The following ZBTB45 variants were observed in gnomAD, a reference collection of about 807,000 sequenced individuals.
The protein encoded by ZBTB45 is zinc finger and BTB domain containing 45.
ZBTB45 carries 22 observed loss-of-function variants against 28.4 expected under a neutral mutation model. That is an observed-to-expected ratio of 0.77 (90% confidence interval 0.55 to 1.10). The LOEUF (loss-of-function observed/expected upper bound fraction) is 1.10. ZBTB45 is among the 50% of genes least tolerant of loss of function. The probability of loss-of-function intolerance (pLI) is 0.00; values close to 1 mark genes in which losing one functional copy is unlikely to be tolerated. For synonymous variants in ZBTB45, 361 were observed against 332.3 expected (o/e 1.09, Z -0.94); for missense variants, 656 against 750.2 (o/e 0.87, Z 1.47).
intron 1 of ZBTB45, among the ~76,000 whole-genome samples, chr19:58,528,001 T>C (rs576576317): frequency 6.6e-6 from 1 of 152,294 alleles, no homozygotes; most frequent in East Asian, 1.9e-4. Context: ...ACTCGGAGGC[T>C]GAGACAGGAG....
At chr19:58,537,703 C>T (rs560041776) in intron 1 of ZBTB45, among the ~76,000 whole-genome samples, 7 of 152,158 alleles carry the variant, frequency 4.6e-5, no homozygotes, top group Non-Finnish European at 8.8e-5. Flanking sequence ...AATATTTTGA[C>T]CTTCTGGCCC....
At chr19:58,530,990 C>G (rs955305963) in intron 1 of ZBTB45, among the ~76,000 whole-genome samples, 1 of 152,142 alleles carries the variant, frequency 6.6e-6, no homozygotes, top group Non-Finnish European at 1.5e-5. Context: ...GCCTGAACAC[C>G]TGTTTTCAAT....
At chr19:58,524,919 C>T (rs188149413) in intron 1 of ZBTB45, among the ~76,000 whole-genome samples, 9 of 152,108 alleles carry the variant, frequency 5.9e-5, no homozygotes, top group African/African-American at 2.2e-4. Flanking sequence ...CAGGCTAAGC[C>T]CAAGGCCTGA....
At chr19:58,536,465 C>CAAA (rs768760907) in intron 1 of ZBTB45, among the ~76,000 whole-genome samples, 1 of 76,174 alleles carries the variant, frequency 1.3e-5, no homozygotes, top group African/African-American at 4.9e-5. Context: ...GACGCCGTCT[C>CAAA]AAAAAAAAAA....
At chr19:58,521,123 G>C (rs1315750884), upstream of ZBTB45, among the ~76,000 whole-genome samples, 1 of 148,026 alleles carries the variant, frequency 6.8e-6, no homozygotes, top group Non-Finnish European at 1.5e-5. Flanking sequence ...CCAGCACTGT[G>C]GGAGGCCGAG....
chr19:58,517,328 C>G lies in ZBTB45; in HGVS notation c.346G>C (p.Asp116His), dbSNP rs1477427210. ...CGGGCGATAATCTGCGTGCATTCGT[C>G]GATAACTGTCTGTATGCGAAGCACT... ...ASVLRIQTVI[D>H]ECTQIIARAR... Residue 116 changes from aspartate to histidine, a missense_variant, in exon 2 of 3, where the codon GAC becomes CAC. By Grantham distance (81) the Asp-to-His change is moderately conservative. Around this residue, in one of 3 missense-constraint regions of ZBTB45, gnomAD observed 448 missense variants for 444.3 expected, o/e 1.01. Coordinates refer to ENST00000594051, the MANE Select transcript of ZBTB45 (RefSeq NM_001316979.2). 1.2e-6 allele frequency: 2 copies of G among 1,610,300 alleles called. No homozygotes were observed. Among genetic ancestry groups the G allele is most frequent in the Admixed American group, 1.7e-5 (1 of 59,974 alleles).
At chr19:58,525,693 CTG>C (rs2053603520) in intron 1 of ZBTB45, among the ~76,000 whole-genome samples, 1 of 152,138 alleles carries the variant, frequency 6.6e-6, no homozygotes, top group South Asian at 2.1e-4. Flanking sequence ...GTATTGAGGG[CTG>C]TTAACAAAGG....
upstream of ZBTB45, among the ~76,000 whole-genome samples, chr19:58,522,805 G>C (rs547465417): frequency 6.6e-6 from 1 of 152,170 alleles, no homozygotes; most frequent in Non-Finnish European, 1.5e-5. Context: ...TCTGAGGAGG[G>C]AGGACGGCCC....
At chr19:58,536,255 G>A (rs2053659536) in intron 1 of ZBTB45, among the ~76,000 whole-genome samples, 1 of 152,066 alleles carries the variant, frequency 6.6e-6, no homozygotes, top group Non-Finnish European at 1.5e-5. Context: ...CATGAGGTCA[G>A]GAGATTGAGA....
At chr19:58,517,822 C>T in intron 1 of ZBTB45, 149 bp from the exon 2 acceptor site, 2 of 692,274 alleles carry the variant, frequency 2.9e-6, no homozygotes, top group Non-Finnish European at 2.4e-6. Context: ...AGCTGCCCTT[C>T]ACAGTCCCCA....
chr19:58,520,518 G>T (rs1000857965), upstream of ZBTB45, among the ~76,000 whole-genome samples: 2 of 152,030 alleles, frequency 1.3e-5, no homozygotes, highest in Non-Finnish European at 2.9e-5. Flanking sequence ...ATGGTGAAAG[G>T]GTTTTTGCGG....
At chr19:58,514,627 T>G (rs570720671) in intron 2 of ZBTB45, among the ~76,000 whole-genome samples, 1 of 152,064 alleles carries the variant, frequency 6.6e-6, no homozygotes, top group East Asian at 1.9e-4. Flanking sequence ...TCCTGGGATA[T>G]CACTGTGACA....
chr19:58,536,599 C>T (rs997785413), intron 1 of ZBTB45, among the ~76,000 whole-genome samples: 4 of 151,840 alleles, frequency 2.6e-5, no homozygotes, highest in East Asian at 1.9e-4. Flanking sequence ...GCCAAGATTG[C>T]GCCACTGCAC....
chr19:58,527,041 C>A (rs1037968397), intron 1 of ZBTB45, among the ~76,000 whole-genome samples: 3 of 152,200 alleles, frequency 2.0e-5, no homozygotes, highest in Admixed American at 2.0e-4. Flanking sequence ...AAAGCCCCAA[C>A]CCCCTATTGT....
rs1004889789 is a variant in ZBTB45 at position 58,514,224 on chromosome 19, C to G, written c.1366G>C (p.Val456Leu). 3.1e-6 allele frequency: 5 copies of G among 1,612,550 alleles called. No individual in the cohort carries two copies. The highest frequency in any genetic ancestry group is 4.2e-6 in the Non-Finnish European group (5 of 1,179,618). ...LLKHMVTHTGVRAFQCAVCAK... is the reference protein window; with the variant it reads ...LLKHMVTHTGLRAFQCAVCAK... ...CAGACGGCGCACTGGAAGGCGCGCA[C>G]GCCGGTGTGCGTGACCATGTGTTTG... The change falls in exon 3 of 3, where the codon GTG becomes CTG. Residue 456 changes from valine (V) to leucine (L), a missense_variant. Coordinates refer to ENST00000594051, the MANE Select transcript of ZBTB45 (RefSeq NM_001316979.2).
chr19:58,514,411 T>TCC, intron 2 of ZBTB45, 101 bp from the exon 3 acceptor site: 1 of 1,317,592 alleles, frequency 7.6e-7, no homozygotes, highest in Non-Finnish European at 9.9e-7. Flanking sequence ...TAGCAGGGGC[T>TCC]CCCCTCCCCT....
chr19:58,526,485 C>G (rs997296179), intron 1 of ZBTB45, among the ~76,000 whole-genome samples: 12 of 150,808 alleles, frequency 8.0e-5, no homozygotes, highest in African/African-American at 2.9e-4. Flanking sequence ...GCTGGGATTA[C>G]AGGCGTGAGC....
Position 58,513,783 on chromosome 19 carries a change from C to T in ZBTB45, c.*271G>A, listed in dbSNP as rs1390293929. 7.9e-6 allele frequency: 3 copies of T among 381,434 alleles called. No individual in the cohort carries two copies. Among genetic ancestry groups the T allele is most frequent in the Non-Finnish European group, 1.4e-5 (3 of 218,462 alleles). The allele number at this position is 381,434 out of a possible 1,614,324, so 23.6% of individuals were successfully genotyped here. A position where few individuals can be genotyped will look rare whatever the true frequency, so the allele number is the denominator to read the frequency against. On this transcript the variant is annotated 3_prime_UTR_variant, in exon 3 of 3. Coordinates refer to ENST00000594051, the MANE Select transcript of ZBTB45 (RefSeq NM_001316979.2). ...CTTGGGCCGGGTCCAAGCGCCTGAGCGCCCGGTTTACGCAGGAAATAGTCC... is the reference window on the plus strand; with the variant it reads ...CTTGGGCCGGGTCCAAGCGCCTGAGTGCCCGGTTTACGCAGGAAATAGTCC...
At position 58,517,492 on chromosome 19, in the gene ZBTB45, T is replaced by C. The variant is rs1333656580; in HGVS notation, c.182A>G (p.Lys61Arg). 3.1e-6 allele frequency: 5 copies of C among 1,613,108 alleles called. No homozygotes were observed. Among genetic ancestry groups the C allele is most frequent in the Non-Finnish European group, 4.2e-6 (5 of 1,179,966 alleles). ...LAAGSPFFQD[K>R]LLLGHSEIRV... The stretch of plus-strand genomic sequence containing the variant: ...GATCTCAGAGTGGCCGAGCAGCAGC[T>C]TGTCTTGGAAGAAGGGTGAGCCGGC... Residue 61 changes from lysine to arginine, a missense_variant, in exon 2 of 3, where the codon AAG becomes AGG. By Grantham distance (26) the Lys-to-Arg change is conservative (BLOSUM62 2). Around this residue, in one of 3 missense-constraint regions of ZBTB45, gnomAD observed 105 missense variants for 152.4 expected, o/e 0.69. Transcript: ENST00000594051.
Sources: gnomAD v4.1 joint callset for allele counts (sites outside exome capture counted in the v4.1 genomes callset) on GRCh38, gnomAD v4.1.1 for gene constraint, gnomAD v4.1.1 regional missense constraint, MANE v1.5 for transcripts, NCBI Gene and HGNC (gene_info 2026-07-23, HGNC 2026-07-21) for gene names.